Variants in TCP11L1 observed in about 807,000 individuals in gnomAD.
The protein encoded by TCP11L1 is T-complex protein 11-like protein 1.
Under a neutral mutation model 48.9 loss-of-function variants are expected in TCP11L1, and 28 were observed. The observed-to-expected ratio is 0.57, with a 90% CI of 0.42 to 0.78. TCP11L1 has a LOEUF of 0.78. Ranked by LOEUF, TCP11L1 falls within the 30% of genes least tolerant of loss-of-function variation. The pLI is 0.00. For missense variants in TCP11L1, 505 were observed against 613.4 expected (o/e 0.82, Z 1.87); for synonymous variants, 204 against 231.9 (o/e 0.88, Z 1.09).
chr11:33,052,615 A>G (rs1425930015), intron 2 of TCP11L1, among the ~76,000 whole-genome samples: 6 of 152,176 alleles, frequency 3.9e-5, no homozygotes, highest in African/African-American at 1.2e-4. Context: ...ATCACATAAA[A>G]TTAATATATT....
chr11:33,050,846 A>G (rs978229559), intron 2 of TCP11L1, among the ~76,000 whole-genome samples: 4 of 148,100 alleles, frequency 2.7e-5, no homozygotes, highest in Non-Finnish European at 4.4e-5. Context: ...CAAGGTCTCT[A>G]TCTGTCACCT....
Position 33,072,618 on chromosome 11 carries a change from A to G in TCP11L1, c.1472A>G (p.Lys491Arg), listed in dbSNP as rs187190894. ...TTTGCTCGCCTGGTCAACTATAACA[A>G]GATGGTCTTCTGTCCCTACTACGAT... ...IKFARLVNYN[K>R]MVFCPYYDAI... The change falls in exon 10 of 10, where the codon AAG (lysine) becomes AGG (arginine). Residue 491 changes from lysine to arginine, a missense_variant. Lys to Arg is a conservative substitution (Grantham distance 26). Transcript: ENST00000334274. 12 of 1,614,178 alleles carry G rather than the reference A, an allele frequency of 7.4e-6. No individual in the cohort carries two copies. The African/African-American group carries it at 1.3e-4, about 18-fold the overall frequency.
intron 2 of TCP11L1, among the ~76,000 whole-genome samples, chr11:33,051,020 A>C (rs1854145120): frequency 6.6e-6 from 1 of 152,134 alleles, no homozygotes. Flanking sequence ...CATGTTGCCC[A>C]GGCTGTTCTC....
chr11:33,048,872 C>T (rs1200301183), intron 2 of TCP11L1, among the ~76,000 whole-genome samples: 1 of 152,188 alleles, frequency 6.6e-6, no homozygotes, highest in Non-Finnish European at 1.5e-5. Context: ...GAAATTCCTT[C>T]CTGATTTGCT....
intron 1 of TCP11L1, among the ~76,000 whole-genome samples, chr11:33,043,263 A>G (rs1344937348): frequency 6.6e-6 from 1 of 152,174 alleles, no homozygotes; most frequent in African/African-American, 2.4e-5. Flanking sequence ...AGTTTCTGTC[A>G]TCTCTGGGTA....
chr11:33,049,755 C>T (rs1452658225), intron 2 of TCP11L1, among the ~76,000 whole-genome samples: 3 of 152,162 alleles, frequency 2.0e-5, no homozygotes, highest in African/African-American at 7.2e-5. Context: ...GGTTTTACAC[C>T]AAGACATTCT....
intron 8 of TCP11L1, among the ~76,000 whole-genome samples, 173 bp downstream of exon 8, chr11:33,066,184 T>G (rs747005417): frequency 1.3e-5 from 2 of 152,116 alleles, no homozygotes; most frequent in South Asian, 4.1e-4. Context: ...CAGAGTTTAT[T>G]TAGGGTCATA....
At chr11:33,060,752 C>T (rs756922661) in intron 6 of TCP11L1, among the ~76,000 whole-genome samples, 7 of 152,148 alleles carry the variant, frequency 4.6e-5, no homozygotes, top group Non-Finnish European at 8.8e-5. Context: ...AAGATCTAAA[C>T]AAGGAAAAGC....
chr11:33,053,918 C>T (rs1011608257), intron 2 of TCP11L1, among the ~76,000 whole-genome samples: 2 of 152,110 alleles, frequency 1.3e-5, no homozygotes, highest in African/African-American at 4.8e-5. Context: ...CAGGTTCAAG[C>T]GATCCTCCAG....
At chr11:33,057,884 G>C in intron 4 of TCP11L1, 35 bp from the exon 5 acceptor site, 4 of 1,551,574 alleles carry the variant, frequency 2.6e-6, no homozygotes, top group Non-Finnish European at 3.5e-6. Context: ...GATGTCTAAA[G>C]AATTTTGATT....
At chr11:33,055,859 C>T (rs1295522944) in intron 3 of TCP11L1, among the ~76,000 whole-genome samples, 1 of 152,076 alleles carries the variant, frequency 6.6e-6, no homozygotes, top group Non-Finnish European at 1.5e-5. Context: ...GCTCTGTCGC[C>T]CAAGCTGGAG....
intron 7 of TCP11L1, among the ~76,000 whole-genome samples, chr11:33,063,496 T>C (rs567445774): frequency 1.2e-4 from 19 of 152,348 alleles, no homozygotes; most frequent in African/African-American, 4.3e-4. Flanking sequence ...TTTACTCATC[T>C]TGATGGAAAC....
intron 7 of TCP11L1, among the ~76,000 whole-genome samples, chr11:33,065,399 T>C (rs1343094978): frequency 6.6e-6 from 1 of 152,212 alleles, no homozygotes; most frequent in African/African-American, 2.4e-5. Context: ...GAGTAGCTGG[T>C]ATTATAGGCA....
At chr11:33,047,366 A>T (rs1008296855) in intron 2 of TCP11L1, among the ~76,000 whole-genome samples, 1 of 152,272 alleles carries the variant, frequency 6.6e-6, no homozygotes, top group East Asian at 1.9e-4. Context: ...AGTAAGGATC[A>T]GTCAACTGTA....
intron 2 of TCP11L1, among the ~76,000 whole-genome samples, chr11:33,046,510 ATTTG>A (rs66643153): frequency 0.41 from 62,067 of 151,742 alleles, 12,857 homozygotes; most frequent in African/African-American, 0.47. Flanking sequence ...GTATATCAAC[ATTTG>A]TTTGTATATG....
chr11:33,066,754 G>A (rs1005222546), intron 8 of TCP11L1, among the ~76,000 whole-genome samples: 2 of 152,092 alleles, frequency 1.3e-5, no homozygotes, highest in African/African-American at 2.4e-5. Flanking sequence ...CCATTCAAAT[G>A]TATTAAACTC....
At chr11:33,044,413 A>G (rs1853928060) in intron 2 of TCP11L1, among the ~76,000 whole-genome samples, 1 of 152,200 alleles carries the variant, frequency 6.6e-6, no homozygotes, top group Non-Finnish European at 1.5e-5. Flanking sequence ...GTCATTTCAG[A>G]TCCCTGGCAA....
At chr11:33,040,264 T>TGC (rs1321605039) in intron 1 of TCP11L1, 1 of 152,170 alleles carries the variant, frequency 6.6e-6, no homozygotes, top group Admixed American at 6.5e-5. Context: ...GTTGAATGGA[T>TGC]GCGCGCGATA....
intron 2 of TCP11L1, among the ~76,000 whole-genome samples, chr11:33,053,882 T>G (rs1029287501): frequency 2.6e-5 from 4 of 152,126 alleles, no homozygotes; most frequent in African/African-American, 9.7e-5. Context: ...CAGGCTTGAG[T>G]GCAGTGACAT....
Sources: allele counts gnomAD v4.1 joint callset (sites outside exome capture counted in the v4.1 genomes callset), GRCh38; gene constraint gnomAD v4.1.1; transcripts MANE v1.5; gene names NCBI Gene and HGNC (gene_info 2026-07-23, HGNC 2026-07-21).